Variants in ITGBL1 observed in about 807,000 individuals in gnomAD.
The protein encoded by ITGBL1 is integrin subunit beta like 1, also known as integrin beta-like protein 1.
In ITGBL1, 51 loss-of-function variants were observed where a neutral mutation model predicts 68.5. The observed-to-expected ratio is 0.74, with a 90% CI of 0.59 to 0.94. The LOEUF (loss-of-function observed/expected upper bound fraction) is 0.94. ITGBL1 is among the 40% of genes least tolerant of loss of function. The pLI, the probability that ITGBL1 is intolerant of heterozygous loss-of-function variation, is 0.00. For missense variants in ITGBL1, 649 were observed against 647.4 expected, an observed-to-expected ratio of 1.00 and a Z score of -0.03; for synonymous variants, 209 against 227.3, an observed-to-expected ratio of 0.92 and a Z score of 0.72.
intron 8 of ITGBL1, among the ~76,000 whole-genome samples, chr13:101,705,047 A>G (rs1160686655): frequency 6.6e-6 from 1 of 152,132 alleles, no homozygotes; most frequent in Non-Finnish European, 1.5e-5. Context: ...TTTTTCTTGC[A>G]GATTTAGTAG....
intron 7 of ITGBL1, among the ~76,000 whole-genome samples, chr13:101,615,202 T>G (rs769109495): frequency 1.1e-4 from 17 of 152,110 alleles, no homozygotes; most frequent in Non-Finnish European, 2.1e-4. Flanking sequence ...CCTCTCTGTG[T>G]GTCCAAGCTC....
chr13:101,517,804 T>A (rs576067461), intron 2 of ITGBL1, among the ~76,000 whole-genome samples: 1 of 152,182 alleles, frequency 6.6e-6, no homozygotes, highest in South Asian at 2.1e-4. Context: ...GTTCAGAGAG[T>A]GCTACATTAT....
intron 7 of ITGBL1, among the ~76,000 whole-genome samples, chr13:101,622,653 G>A (rs2031628278): frequency 6.6e-6 from 1 of 152,144 alleles, no homozygotes; most frequent in African/African-American, 2.4e-5. Flanking sequence ...ATGATTGACT[G>A]TGAAACAAAT....
intron 9 of ITGBL1, chr13:101,713,622 G>A (rs934143721): frequency 1.3e-5 from 2 of 152,146 alleles, no homozygotes; most frequent in African/African-American, 4.8e-5. Context: ...ATGGAAAGCT[G>A]TTTAGACTGA....
intron 3 of ITGBL1, among the ~76,000 whole-genome samples, chr13:101,575,061 C>T (rs939754241): frequency 2.0e-5 from 3 of 152,090 alleles, no homozygotes; most frequent in African/African-American, 7.2e-5. Flanking sequence ...GGTTGCTTCC[C>T]TCACAAAGCT....
intron 2 of ITGBL1, among the ~76,000 whole-genome samples, chr13:101,454,410 CCCCCCA>C (rs2048212613): frequency 7.5e-6 from 1 of 133,640 alleles, no homozygotes; most frequent in Non-Finnish European, 1.6e-5. Context: ...CCCCCCCCCC[CCCCCCA>C]ACTCCTGGAA....
chr13:101,644,130 C>T (rs766509921), intron 7 of ITGBL1, among the ~76,000 whole-genome samples: 66 of 152,158 alleles, frequency 4.3e-4, no homozygotes, highest in Non-Finnish European at 7.1e-4. Context: ...TGCTCCCTTA[C>T]CTGAACCTTA....
At chr13:101,482,475 TA>T (rs2048639651) in intron 2 of ITGBL1, among the ~76,000 whole-genome samples, 1 of 152,108 alleles carries the variant, frequency 6.6e-6, no homozygotes, top group Admixed American at 6.6e-5. Flanking sequence ...TACTCTCTTT[TA>T]TAATGAAAAG....
intron 7 of ITGBL1, among the ~76,000 whole-genome samples, chr13:101,636,010 A>G (rs1027466265): frequency 4.6e-5 from 7 of 152,114 alleles, no homozygotes; most frequent in Admixed American, 2.0e-4. Flanking sequence ...AGAACATAAA[A>G]ATTATACAAA....
chr13:101,455,527 C>G (rs558861515), intron 2 of ITGBL1, among the ~76,000 whole-genome samples: 2 of 151,848 alleles, frequency 1.3e-5, no homozygotes, highest in Non-Finnish European at 2.9e-5. Context: ...ATTAGCTGGG[C>G]GTCGTGGCAT....
chr13:101,614,497 G>A (rs1281785809), intron 7 of ITGBL1, among the ~76,000 whole-genome samples: 1 of 152,142 alleles, frequency 6.6e-6, no homozygotes, highest in African/African-American at 2.4e-5. Flanking sequence ...GGATGAGTCT[G>A]TGTAGGTGCA....
chr13:101,655,127 A>C (rs2032877066), intron 7 of ITGBL1, among the ~76,000 whole-genome samples: 2 of 152,202 alleles, frequency 1.3e-5, no homozygotes, highest in African/African-American at 4.8e-5. Flanking sequence ...TGATGCAAGG[A>C]ATGATGCACT....
At chr13:101,472,825 T>C (rs1024945517) in intron 2 of ITGBL1, among the ~76,000 whole-genome samples, 2 of 152,194 alleles carry the variant, frequency 1.3e-5, no homozygotes, top group Non-Finnish European at 2.9e-5. Flanking sequence ...TCCATATTTG[T>C]ATAAATATAT....
intron 2 of ITGBL1, among the ~76,000 whole-genome samples, chr13:101,560,384 C>T (rs898139497): frequency 6.6e-6 from 1 of 152,020 alleles, no homozygotes; most frequent in African/African-American, 2.4e-5. Context: ...TTAAAATACC[C>T]CTATTTCAAG....
intron 7 of ITGBL1, among the ~76,000 whole-genome samples, chr13:101,617,072 T>A (rs1335558555): frequency 1.3e-5 from 2 of 152,168 alleles, no homozygotes; most frequent in Non-Finnish European, 2.9e-5. Flanking sequence ...GATTTAGACA[T>A]CTCTGCATAA....
intron 9 of ITGBL1, among the ~76,000 whole-genome samples, chr13:101,709,796 G>C (rs532746324): frequency 6.6e-6 from 1 of 152,294 alleles, no homozygotes; most frequent in East Asian, 1.9e-4. Flanking sequence ...TCTTCCCTAA[G>C]ACCTGTCCAA....
chr13:101,661,766 T>A (rs979289868), intron 7 of ITGBL1, among the ~76,000 whole-genome samples: 1 of 152,096 alleles, frequency 6.6e-6, no homozygotes, highest in African/African-American at 2.4e-5. Context: ...AAAAGTAAAG[T>A]GGAAGATAAA....
chr13:101,587,896 T>C (rs1039968002), intron 6 of ITGBL1, among the ~76,000 whole-genome samples: 21 of 152,208 alleles, frequency 1.4e-4, no homozygotes, highest in Non-Finnish European at 4.4e-5. Flanking sequence ...CTTTTCTCTA[T>C]TGATGGTCTT....
In ITGBL1 at chr13:101,481,638, CG is replaced by C. The variant is rs370751167; in HGVS notation, c.316+27539del. On this transcript the variant is annotated intron_variant, in intron 2 of 10. Coordinates refer to ENST00000376180, the MANE Select transcript of ITGBL1 (RefSeq NM_004791.3). The stretch of plus-strand genomic sequence containing the variant: ...CCCTGAATATCTGGAGGAACACCCA[CG>C]CCCATCATGCTCTGATGTTAAGTAC... 5.6e-3 allele frequency among the ~76,000 whole-genome samples: 855 copies of C among 152,220 alleles called. 9 individuals are homozygous for C. The highest frequency in any genetic ancestry group is 0.02 in the African/African-American group (820 of 41,536).
Sources: allele counts gnomAD v4.1 joint callset (sites outside exome capture counted in the v4.1 genomes callset), GRCh38; gene constraint gnomAD v4.1.1; transcripts MANE v1.5; gene names NCBI Gene and HGNC (gene_info 2026-07-23, HGNC 2026-07-21).